Variants in HOPX observed in about 807,000 individuals in gnomAD.
HOPX encodes HOP homeobox, also known as homeodomain-only protein.
In HOPX, 5 loss-of-function variants were observed where a neutral mutation model predicts 11.8. That is an observed-to-expected ratio of 0.43 (90% CI 0.22 to 0.89). The LOEUF (loss-of-function observed/expected upper bound fraction) is 0.89, where lower values mean the gene tolerates loss of function less well. Among genes scored for constraint, HOPX ranks in the 40% least tolerant of loss-of-function variants. The pLI, the probability that HOPX is intolerant of heterozygous loss-of-function variation, is 0.28. For missense variants in HOPX, 119 were observed against 120.0 expected (o/e 0.99, Z 0.04); for synonymous variants, 49 against 49.7 (o/e 0.99, Z 0.06).
rs768890294 is a variant in HOPX at position 56,648,715 on chromosome 4, T to A, written c.*5A>T. The A allele has an allele frequency of 6.3e-6, 10 of 1,586,550 alleles. No individual in the cohort carries two copies. Among genetic ancestry groups the A allele is most frequent in the Non-Finnish European group, 8.6e-6 (10 of 1,158,354 alleles). ...GGAGTGAAGCTGTCAATGCCTGCCA[T>A]CTCCTTAGTCTGTGACGGATCTGCA... On this transcript the variant is annotated 3_prime_UTR_variant, in exon 4 of 4. Coordinates refer to ENST00000420433, the MANE Select transcript of HOPX (RefSeq NM_032495.6).
chr4:56,661,421 A>ATAT (rs1201211508), intron 1 of HOPX, among the ~76,000 whole-genome samples: 1 of 152,162 alleles, frequency 6.6e-6, no homozygotes. Flanking sequence ...ACACTCTTGT[A>ATAT]TATGCCTTCT....
intron 1 of HOPX, among the ~76,000 whole-genome samples, chr4:56,666,817 G>A (rs181037519): frequency 6.4e-4 from 97 of 152,220 alleles, no homozygotes; most frequent in Admixed American, 1.5e-3. Context: ...TTCAGAAAAA[G>A]TTTTCCCGAG....
At chr4:56,662,511 A>C (rs1367992286) in intron 1 of HOPX, 2 of 138,026 alleles carry the variant, frequency 1.4e-5, no homozygotes, top group Non-Finnish European at 3.1e-5. Flanking sequence ...ACGGAGTCTC[A>C]TTCTGTTGCT....
chr4:56,657,418 T>A (rs1717822808), intron 2 of HOPX, among the ~76,000 whole-genome samples: 1 of 152,210 alleles, frequency 6.6e-6, no homozygotes, highest in Admixed American at 6.5e-5. Context: ...ACTTCACTGA[T>A]GTCCCGGCAG....
intron 3 of HOPX, among the ~76,000 whole-genome samples, chr4:56,651,867 A>AGT (rs1357851813): frequency 3.9e-5 from 5 of 128,436 alleles, no homozygotes; most frequent in African/African-American, 1.6e-4. Flanking sequence ...AAAGAGAGAG[A>AGT]GAGAGAGTGT....
At chr4:56,656,192 A>G in intron 2 of HOPX, 180 bp from the exon 3 acceptor site, 1 of 1,118,772 alleles carries the variant, frequency 8.9e-7, no homozygotes, top group Non-Finnish European at 1.1e-6. Context: ...GCTGCCCCCC[A>G]CCCGGGCCTC....
intron 3 of HOPX, chr4:56,651,187 A>C (rs1178427294): frequency 6.3e-6 from 1 of 159,074 alleles, no homozygotes; most frequent in East Asian, 1.8e-4. Flanking sequence ...CAGAATATTG[A>C]TGGACTGTTA....
At position 56,648,738 on chromosome 4, in the gene HOPX, G is replaced by A; in HGVS notation, c.258C>T (p.Cys86=). The change falls in exon 4 of 4, where the codon TGC becomes TGT. Residue 86 remains cysteine, a synonymous_variant. Coordinates refer to ENST00000420433, the MANE Select transcript of HOPX (RefSeq NM_032495.6). The stretch of plus-strand genomic sequence containing the variant: ...CATCTCCTTAGTCTGTGACGGATCT[G>A]CACTCTGAGGGCAGGCCTTCTGAGC... ...WRRSEGLPSE[C]RSVTD 6.2e-7 allele frequency: 1 copy of A among 1,610,240 alleles called. No individual in the cohort carries two copies. Among genetic ancestry groups the A allele is most frequent in the African/African-American group, 1.3e-5 (1 of 75,020 alleles).
At chr4:56,656,142 C>G in intron 2 of HOPX, 130 bp from the exon 3 acceptor site, 1 of 1,183,642 alleles carries the variant, frequency 8.4e-7, no homozygotes, top group South Asian at 2.5e-5. Flanking sequence ...GCCACGGCCG[C>G]GCAAGTCCCC....
chr4:56,661,792 G>C (rs1476886942), intron 1 of HOPX, among the ~76,000 whole-genome samples: 2 of 152,158 alleles, frequency 1.3e-5, no homozygotes, highest in Admixed American at 1.3e-4. Context: ...CAAAAGGAGA[G>C]TTGAGTTATT....
upstream of HOPX, chr4:56,681,458 C>T (rs1719321644): frequency 1.0e-6 from 1 of 991,232 alleles, no homozygotes; most frequent in Non-Finnish European, 1.2e-6. Context: ...GGTTACGTCT[C>T]TCCTGGTTAT....
intron 1 of HOPX, among the ~76,000 whole-genome samples, chr4:56,674,688 A>G (rs1012010416): frequency 5.3e-5 from 8 of 151,646 alleles, no homozygotes; most frequent in Non-Finnish European, 2.9e-5. Context: ...CAAAACTACC[A>G]GAAGCAAATT....
intron 1 of HOPX, among the ~76,000 whole-genome samples, chr4:56,677,552 G>C (rs1404225589): frequency 6.6e-6 from 1 of 151,682 alleles, no homozygotes; most frequent in East Asian, 1.9e-4. Flanking sequence ...TAGTTTTCCA[G>C]AGATGGAGAA....
At chr4:56,668,664 T>C (rs909657025) in intron 1 of HOPX, among the ~76,000 whole-genome samples, 22 of 152,254 alleles carry the variant, frequency 1.4e-4, no homozygotes, top group African/African-American at 4.8e-4. Context: ...CCATTATGCC[T>C]GGCTCTGAAA....
At chr4:56,656,256 C>A in intron 2 of HOPX, 1 of 1,165,368 alleles carries the variant, frequency 8.6e-7, no homozygotes, top group Non-Finnish European at 1.1e-6. Flanking sequence ...GCGTCCTGCG[C>A]CTCCCGCGCC....
intron 1 of HOPX, among the ~76,000 whole-genome samples, chr4:56,670,289 T>A (rs756212449): frequency 6.6e-6 from 1 of 152,208 alleles, no homozygotes; most frequent in African/African-American, 2.4e-5. Flanking sequence ...AAACAAATTG[T>A]ATTATCAAAT....
intron 1 of HOPX, among the ~76,000 whole-genome samples, chr4:56,666,875 A>G (rs561501573): frequency 6.6e-6 from 1 of 152,358 alleles, no homozygotes; most frequent in South Asian, 2.1e-4. Context: ...AACCCACTAA[A>G]GGTTTCATAG....
chr4:56,661,391 T>A lies in HOPX; in HGVS notation c.-83-3492A>T, dbSNP rs1379698423. On this transcript the variant is annotated intron_variant, in intron 1 of 3. Transcript: ENST00000420433. ...TAGGTTGTTTCCAGATTTTTTTCTGTTTGAACATTGCCTCTCTGAACACTC... is the reference window on the plus strand; with the variant it reads ...TAGGTTGTTTCCAGATTTTTTTCTGATTGAACATTGCCTCTCTGAACACTC... Among the ~76,000 whole-genome samples, 4 of 152,204 alleles carry A rather than the reference T, an allele frequency of 2.6e-5. No homozygotes were observed. In the East Asian group the frequency reaches 7.7e-4, roughly 29 times the overall value.
chr4:56,659,879 A>G (rs1247694165), intron 1 of HOPX, among the ~76,000 whole-genome samples: 1 of 152,234 alleles, frequency 6.6e-6, no homozygotes, highest in Non-Finnish European at 1.5e-5. Context: ...TTTTAGAAGT[A>G]GATATTAGAA....
Sources: allele counts gnomAD v4.1 joint callset (sites outside exome capture counted in the v4.1 genomes callset), GRCh38; gene constraint gnomAD v4.1.1; transcripts MANE v1.5; gene names NCBI Gene and HGNC (gene_info 2026-07-23, HGNC 2026-07-21).